The following DDX23 variants were observed in gnomAD, a reference collection of about 807,000 sequenced individuals.
DDX23 encodes probable ATP-dependent RNA helicase DDX23.
A neutral mutation model predicts 102.7 loss-of-function variants in DDX23; 33 were observed. That is an observed-to-expected ratio of 0.32 (90% CI 0.24 to 0.43). The LOEUF is 0.43. DDX23 is among the 20% of genes least tolerant of loss of function. DDX23 has a pLI of 1.00. For missense variants in DDX23, 549 were observed against 1,086.6 expected (o/e 0.51, Z 6.96); for synonymous variants, 352 against 376.0 (o/e 0.94, Z 0.74).
chr12:48,842,096 C>T (rs1218292954), intron 3 of DDX23, among the ~76,000 whole-genome samples: 1 of 151,036 alleles, frequency 6.6e-6, no homozygotes, highest in Non-Finnish European at 1.5e-5. Context: ...AAGTGAGGAG[C>T]CCCTCCGCCT....
intron 1 of DDX23, among the ~76,000 whole-genome samples, chr12:48,849,831 CCAAT>C (rs1250789976): frequency 6.6e-6 from 1 of 152,138 alleles, no homozygotes; most frequent in East Asian, 1.9e-4. Context: ...CCCCCAGGAG[CCAAT>C]ACTACCTATG....
intron 2 of DDX23, 53 bp from the exon 3 acceptor site, chr12:48,844,103 TC>T: frequency 6.4e-7 from 1 of 1,554,758 alleles, no homozygotes; most frequent in Non-Finnish European, 8.9e-7. Context: ...GTATCTTGCT[TC>T]ACTGCAGCCC....
chr12:48,844,007 G>A lies in DDX23; in HGVS notation c.253C>T (p.Arg85Trp), dbSNP rs768166264. The A allele has an allele frequency of 7.4e-6, 12 of 1,613,846 alleles. No homozygotes were observed. Among genetic ancestry groups the A allele is most frequent in the South Asian group, 1.1e-5 (1 of 91,062 alleles). Residue 85 changes from arginine (R) to tryptophan (W), a missense_variant, in exon 3 of 17, where the codon CGG (arginine) becomes TGG (tryptophan). Arg to Trp is a moderately radical substitution (Grantham distance 101, BLOSUM62 -3). Coordinates refer to ENST00000308025, the MANE Select transcript of DDX23 (RefSeq NM_004818.3). ...TCTCGATCTCGGTCCTTCTTATTCC[G>A]ATCCCGCTCCTTATCTCGTTCTCGT... ...KERERDKERD[R>W]NKKDRDRDKD...
Position 48,829,880 on chromosome 12 carries a change from T to G in DDX23, c.*589A>C. The G allele has an allele frequency of 3.9e-6, 1 of 257,360 alleles. No individual in the cohort carries two copies. The highest frequency in any genetic ancestry group is 4.7e-5 in the South Asian group (1 of 21,220). 15.9% of individuals were successfully genotyped at this position (257,360 alleles called of 1,614,324 possible). A position where few individuals can be genotyped will look rare whatever the true frequency, so the allele number is the denominator to read the frequency against. On this transcript the variant is annotated 3_prime_UTR_variant, in exon 17 of 17. Coordinates refer to ENST00000308025, the MANE Select transcript of DDX23 (RefSeq NM_004818.3). ...AGCCAGTTCACCGTGTCCCCCCATC[T>G]ACTTAGAAAATCCCCTGGGGGAGGG...
At chr12:48,848,151 T>C (rs1938697711) in intron 1 of DDX23, among the ~76,000 whole-genome samples, 1 of 151,982 alleles carries the variant, frequency 6.6e-6, no homozygotes, top group Non-Finnish European at 1.5e-5. Context: ...CCGGGCGTGG[T>C]GGTGGGCGCC....
rs1938373213 is a variant in DDX23 at position 48,830,719 on chromosome 12, G to A, written c.2240-27C>T. On this transcript the variant is annotated intron_variant, in intron 16 of 16. Transcript: ENST00000308025. This position sits in a 1 kb window ranked among gnomAD's most constrained non-coding sequence, Gnocchi z 4.9. ...TGGGGAATGGGAAGAACGTCACTCAGCATAGCCCAGATGCCCTGGGGAGCC... is the reference window on the plus strand; with the variant it reads ...TGGGGAATGGGAAGAACGTCACTCAACATAGCCCAGATGCCCTGGGGAGCC... The A allele has an allele frequency of 1.3e-6, 2 of 1,572,942 alleles. No homozygotes were observed. Among genetic ancestry groups the A allele is most frequent in the East Asian group, 2.2e-5 (1 of 44,666 alleles).
intron 3 of DDX23, among the ~76,000 whole-genome samples, chr12:48,843,705 C>T (rs911431972): frequency 2.0e-5 from 3 of 151,928 alleles, no homozygotes; most frequent in Non-Finnish European, 2.9e-5. Context: ...CCCGCCACCA[C>T]GCCCGGCTAA....
chr12:48,842,049 T>G (rs1400899707), intron 3 of DDX23, among the ~76,000 whole-genome samples: 5 of 148,790 alleles, frequency 3.4e-5, no homozygotes, highest in African/African-American at 1.3e-4. Flanking sequence ...GTCTGAGAAG[T>G]GAGGAGCCCC....
rs748440330 is a variant in DDX23 at position 48,840,032 on chromosome 12, T to C, written c.395A>G (p.His132Arg). ...RDSKKDEEDE[H>R]GDKKPKAQPL... ...CTTTACCTTAGGCTTCTTATCACCATGTTCATCCTCTTCATCCTTCTTAGA... is the reference window on the plus strand; with the variant it reads ...CTTTACCTTAGGCTTCTTATCACCACGTTCATCCTCTTCATCCTTCTTAGA... Residue 132 changes from histidine (H) to arginine (R), a missense_variant, in exon 4 of 17, where the codon CAT (histidine) becomes CGT (arginine). Around this residue, in one of 4 missense-constraint regions of DDX23, gnomAD observed 241 missense variants for 267.0 expected, o/e 0.90. Transcript: ENST00000308025. 6 of 1,614,040 alleles carry C rather than the reference T, an allele frequency of 3.7e-6. No homozygotes were observed. The highest frequency in any genetic ancestry group is 4.5e-5 in the East Asian group (2 of 44,902).
rs1184556451 is a variant in DDX23, at chr12:48,830,468, G to T, written c.*1C>A. Reference sequence around the variant, plus strand: ...CCTCAGCCCACAGGAAGAGTGCTGTGTCAGGCAAAGATGGTCTCTTCCCGG... The same window carrying T: ...CCTCAGCCCACAGGAAGAGTGCTGTTTCAGGCAAAGATGGTCTCTTCCCGG... On this transcript the variant is annotated 3_prime_UTR_variant, in exon 17 of 17. Coordinates refer to ENST00000308025, the MANE Select transcript of DDX23 (RefSeq NM_004818.3). This position sits in a 1 kb window ranked among gnomAD's most constrained non-coding sequence, Gnocchi z 4.9. 1 of 1,614,004 alleles carries T rather than the reference G, an allele frequency of 6.2e-7. No homozygotes were observed. The highest frequency in any genetic ancestry group is 8.5e-7 in the Non-Finnish European group (1 of 1,179,950).
chr12:48,841,269 C>T (rs1488077534), intron 3 of DDX23, among the ~76,000 whole-genome samples: 1 of 152,152 alleles, frequency 6.6e-6, no homozygotes, highest in Non-Finnish European at 1.5e-5. Flanking sequence ...GCCTGTATTC[C>T]CAGCTACTTG....
chr12:48,849,673 A>G (rs999597486), intron 1 of DDX23, among the ~76,000 whole-genome samples: 1 of 152,018 alleles, frequency 6.6e-6, no homozygotes, highest in Non-Finnish European at 1.5e-5. Context: ...GAGAAAAAAA[A>G]AAAAAAATCA....
At chr12:48,831,742 T>A (rs1382511060) in intron 15 of DDX23, 2 of 437,836 alleles carry the variant, frequency 4.6e-6, no homozygotes, top group East Asian at 8.3e-5. Flanking sequence ...TCTGACCATA[T>A]CACCTCCTCT....
chr12:48,843,884 G>A (rs976956109), intron 3 of DDX23, 56 bp downstream of exon 3: 5 of 1,575,816 alleles, frequency 3.2e-6, no homozygotes, highest in Non-Finnish European at 4.4e-6. Flanking sequence ...GCAAACTCAG[G>A]TGCAGAGAAG....
At chr12:48,838,788 G>A (rs1402497587) in intron 5 of DDX23, among the ~76,000 whole-genome samples, 1 of 152,012 alleles carries the variant, frequency 6.6e-6, no homozygotes, top group Non-Finnish European at 1.5e-5. Context: ...GGGAGGCAGA[G>A]GTTGCAGTGA....
At chr12:48,844,733 A>T (rs1382760539) in intron 2 of DDX23, among the ~76,000 whole-genome samples, 1 of 151,156 alleles carries the variant, frequency 6.6e-6, no homozygotes, top group Non-Finnish European at 1.5e-5. Flanking sequence ...GGCCTCCCAA[A>T]GTGCTGGGAT....
intron 1 of DDX23, among the ~76,000 whole-genome samples, chr12:48,848,251 A>G (rs1938699818): frequency 6.6e-6 from 1 of 151,972 alleles, no homozygotes; most frequent in Admixed American, 6.6e-5. Context: ...ATGCCACTGC[A>G]CTCCAGCCTG....
chr12:48,842,310 G>C (rs1312579987), intron 3 of DDX23, among the ~76,000 whole-genome samples: 1 of 136,832 alleles, frequency 7.3e-6, no homozygotes, highest in Non-Finnish European at 1.6e-5. Flanking sequence ...CGCCCTGTCC[G>C]GGAGGTGAGG....
At chr12:48,840,551 T>A (rs11611834) in intron 3 of DDX23, among the ~76,000 whole-genome samples, 577 of 42,298 alleles carry the variant, frequency 0.014, 1 homozygote, top group East Asian at 0.02. Context: ...TAGAGAAAAA[T>A]TTTTTTTTTT....
Sources: gnomAD v4.1 joint callset for allele counts (sites outside exome capture counted in the v4.1 genomes callset) on GRCh38, gnomAD v4.1.1 for gene constraint, gnomAD v4.1.1 regional missense constraint, Gnocchi (gnomAD v3.1) non-coding constraint, MANE v1.5 for transcripts, NCBI Gene and HGNC (gene_info 2026-07-23, HGNC 2026-07-21) for gene names.